Variants in SAMD12 observed in about 807,000 individuals in gnomAD.
SAMD12 encodes the protein sterile alpha motif domain containing 12, also known as sterile alpha motif domain-containing protein 12.
In SAMD12, 9 loss-of-function variants were observed where a neutral mutation model predicts 15.0. The ratio of observed to expected loss-of-function variants is 0.60; its 90% CI spans 0.36 to 1.05. The LOEUF is 1.05. SAMD12 is among the 50% of genes least tolerant of loss of function. The probability of loss-of-function intolerance (pLI) is 0.01; values close to 1 mark genes in which losing one functional copy is unlikely to be tolerated. For missense variants in SAMD12, 230 were observed against 234.2 expected, an observed-to-expected ratio of 0.98 and a Z score of 0.12; for synonymous variants, 86 against 90.1, an observed-to-expected ratio of 0.96 and a Z score of 0.25.
rs556809810 is a variant in SAMD12 at position 118,439,699 on chromosome 8, C to G, written c.322+133G>C. ...TGGCTCACATGGATCTGGAATTTAT[C>G]ACCCCTTTGGAAGTAAACCCATGCC... On this transcript the variant is annotated intron_variant, in intron 3 of 3. Coordinates refer to ENST00000314727, the MANE Select transcript of SAMD12 (RefSeq NM_207506.3). 722 of 771,024 alleles carry G rather than the reference C, an allele frequency of 9.4e-4. 4 individuals are homozygous for G. Among genetic ancestry groups the G allele is most frequent in the Non-Finnish European group, 1.3e-3 (595 of 456,912 alleles). 47.8% of individuals were successfully genotyped at this position (771,024 alleles called of 1,614,324 possible). A position where few individuals can be genotyped will look rare whatever the true frequency, so the allele number is the denominator to read the frequency against.
At chr8:118,166,750 A>G in the SAMD12 span, among the ~76,000 whole-genome samples, 3 of 152,206 alleles carry the variant, frequency 2.0e-5, no homozygotes, top group Non-Finnish European at 4.4e-5. Flanking sequence ...CTAGGCCTCA[A>G]CCGACTACAG....
At chr8:118,401,679 G>A (rs1820877864) in intron 3 of SAMD12, among the ~76,000 whole-genome samples, 1 of 151,876 alleles carries the variant, frequency 6.6e-6, no homozygotes, top group South Asian at 2.1e-4. Flanking sequence ...CCAGCCAAGG[G>A]CTTCATGTAA....
chr8:118,147,983 A>G, the SAMD12 span, among the ~76,000 whole-genome samples: 4 of 151,156 alleles, frequency 2.6e-5, no homozygotes, highest in South Asian at 8.4e-4. Flanking sequence ...GCTGGAGTGC[A>G]GTGGTGTGAT....
At chr8:118,585,565 G>A (rs148364859) in intron 1 of SAMD12, among the ~76,000 whole-genome samples, 22 of 152,162 alleles carry the variant, frequency 1.4e-4, no homozygotes, top group African/African-American at 5.3e-4. Context: ...TTATTCAAAG[G>A]TTTGAGAGTT....
chr8:118,610,376 T>G (rs963039542), intron 1 of SAMD12, among the ~76,000 whole-genome samples: 12 of 152,312 alleles, frequency 7.9e-5, no homozygotes, highest in Middle Eastern at 6.8e-3. Context: ...ATTAGTGAAC[T>G]TTGACAGACC....
chr8:118,219,505 A>G (rs961550495), intron 4 of SAMD12, among the ~76,000 whole-genome samples: 1 of 152,094 alleles, frequency 6.6e-6, no homozygotes, highest in Non-Finnish European at 1.5e-5. Context: ...CTTTCATATC[A>G]CCTCCCAGTG....
chr8:118,569,066 G>A (rs1268554734), intron 2 of SAMD12, among the ~76,000 whole-genome samples: 3 of 152,154 alleles, frequency 2.0e-5, no homozygotes, highest in East Asian at 3.9e-4. Context: ...AGCCAATAGT[G>A]ATTTAACACT....
At chr8:118,616,335 T>A (rs1828238680) in intron 1 of SAMD12, among the ~76,000 whole-genome samples, 2 of 151,834 alleles carry the variant, frequency 1.3e-5, no homozygotes, top group African/African-American at 2.4e-5. Flanking sequence ...TTTGTCTCCA[T>A]TCATTCATTC....
intron 4 of SAMD12, among the ~76,000 whole-genome samples, chr8:118,331,003 C>T (rs925748382): frequency 1.5e-4 from 22 of 151,184 alleles, no homozygotes; most frequent in African/African-American, 4.9e-4. Context: ...TAGGGAAAGA[C>T]GCATAAAATA....
chr8:118,431,822 T>C (rs1178966401), intron 3 of SAMD12, among the ~76,000 whole-genome samples: 8 of 152,190 alleles, frequency 5.3e-5, no homozygotes, highest in Non-Finnish European at 1.2e-4. Flanking sequence ...TGGAAATCTG[T>C]TGTCATTACT....
the SAMD12 span, among the ~76,000 whole-genome samples, chr8:118,135,073 G>T: frequency 6.6e-6 from 1 of 152,308 alleles, no homozygotes; most frequent in East Asian, 1.9e-4. Flanking sequence ...GTGACACCAA[G>T]TATATGCTAG....
intron 4 of SAMD12, among the ~76,000 whole-genome samples, chr8:118,357,594 T>A (rs1818294825): frequency 6.6e-6 from 1 of 152,208 alleles, no homozygotes; most frequent in Non-Finnish European, 1.5e-5. Context: ...ATGATGGATA[T>A]GTTAATTAGC....
intron 2 of SAMD12, among the ~76,000 whole-genome samples, chr8:118,579,766 T>C (rs1388700242): frequency 6.6e-6 from 1 of 152,190 alleles, no homozygotes; most frequent in Non-Finnish European, 1.5e-5. Context: ...AAGGAAATTG[T>C]CTTGCAGGGA....
the SAMD12 span, among the ~76,000 whole-genome samples, chr8:118,133,019 T>C: frequency 3.5e-5 from 4 of 114,548 alleles, no homozygotes; most frequent in Non-Finnish European, 5.5e-5. Context: ...TATATATATA[T>C]ATATATATCT....
rs1190635527 is a variant in SAMD12, at chr8:118,216,092, G to C, written c.434-18360C>G. On this transcript the variant is annotated intron_variant, in intron 4 of 4. Coordinates refer to the SAMD12 transcript ENST00000409003. ...TTACAGTCCCACCAGCAGTGTAAAAGTGTTCCTATTTCTCCACATCCTCTC... is the reference window on the plus strand; with the variant it reads ...TTACAGTCCCACCAGCAGTGTAAAACTGTTCCTATTTCTCCACATCCTCTC... Among the ~76,000 whole-genome samples the C allele has an allele frequency of 1.7e-3, 264 of 151,562 alleles. 1 individual carries two copies. Among genetic ancestry groups the C allele is most frequent in the African/African-American group, 6.2e-3 (257 of 41,272 alleles).
At chr8:118,293,938 C>A (rs527777464) in intron 4 of SAMD12, among the ~76,000 whole-genome samples, 11 of 152,308 alleles carry the variant, frequency 7.2e-5, no homozygotes, top group South Asian at 4.1e-4. Flanking sequence ...CATTCTCACA[C>A]TGGATCTCTA....
chr8:118,177,128 G>A, the SAMD12 span, among the ~76,000 whole-genome samples: 1 of 152,162 alleles, frequency 6.6e-6, no homozygotes, highest in African/African-American at 2.4e-5. Context: ...GGAGAGTGTT[G>A]GCCAGAGGAG....
At chr8:118,356,144 C>T (rs181268984) in intron 4 of SAMD12, among the ~76,000 whole-genome samples, 1 of 152,292 alleles carries the variant, frequency 6.6e-6, no homozygotes, top group East Asian at 1.9e-4. Flanking sequence ...CTGATAGCAA[C>T]TCTCTGAGCT....
intron 3 of SAMD12, among the ~76,000 whole-genome samples, chr8:118,425,897 T>G (rs143839388): frequency 6.6e-6 from 1 of 152,160 alleles, no homozygotes; most frequent in East Asian, 1.9e-4. Flanking sequence ...TAATGGACTT[T>G]TCATAAGAAT....
Sources: gnomAD v4.1 joint callset for allele counts (sites outside exome capture counted in the v4.1 genomes callset) on GRCh38, gnomAD v4.1.1 for gene constraint, MANE v1.5 for transcripts, NCBI Gene and HGNC (gene_info 2026-07-23, HGNC 2026-07-21) for gene names.